Variants in ZFYVE19 observed in about 807,000 individuals in gnomAD.
ZFYVE19 encodes zinc finger FYVE-type containing 19.
ZFYVE19 carries 49 observed loss-of-function variants against 62.8 expected under a neutral mutation model. The observed-to-expected ratio is 0.78, with a 90% CI of 0.62 to 0.99. ZFYVE19 has a LOEUF of 0.99. Ranked by LOEUF, ZFYVE19 falls within the 50% of genes least tolerant of loss-of-function variation. The pLI is 0.00. For synonymous variants in ZFYVE19, 242 were observed against 234.3 expected (o/e 1.03, Z -0.30); for missense variants, 630 against 601.9 (o/e 1.05, Z -0.49).
At chr15:40,811,704 T>C (rs1379657193) in intron 6 of ZFYVE19, among the ~76,000 whole-genome samples, 1 of 152,124 alleles carries the variant, frequency 6.6e-6, no homozygotes, top group Non-Finnish European at 1.5e-5. Flanking sequence ...AGCAAGACTC[T>C]GTTTAAAAAA....
At chr15:40,810,609 GCTACC>G (rs749349117) in intron 5 of ZFYVE19, 35 bp from the exon 6 acceptor site, 387 of 1,550,910 alleles carry the variant, frequency 2.5e-4, no homozygotes, top group Non-Finnish European at 3.2e-4. Context: ...CTGCTTCTGG[GCTACC>G]CCTGCTCTCC....
intron 1 of ZFYVE19, 25 bp downstream of exon 1, chr15:40,807,893 G>A: frequency 6.5e-7 from 1 of 1,543,944 alleles, no homozygotes; most frequent in Non-Finnish European, 8.7e-7. Context: ...CCCGAGGGCT[G>A]CAGGGCCAGG....
chr15:40,810,770 C>T lies in ZFYVE19; in HGVS notation c.826+13C>T. 6.4e-7 allele frequency: 1 copy of T among 1,553,498 alleles called. No individual in the cohort carries two copies. On this transcript the variant is annotated intron_variant, in intron 6 of 10. Coordinates refer to ENST00000355341, the MANE Select transcript of ZFYVE19 (RefSeq NM_001077268.2). ...GGAGGAGGCCCAGGTAACCCCTCCA[C>T]TTGGCTCCCTAGGAATCTGCCCTAC...
chr15:40,809,550 A>G lies in ZFYVE19; in HGVS notation c.452+92A>G, dbSNP rs1350468156. 5 of 1,480,224 alleles carry G rather than the reference A, an allele frequency of 3.4e-6. No homozygotes were observed. In the East Asian group the frequency reaches 1.2e-4, roughly 35 times the overall value. 91.7% of individuals were successfully genotyped at this position (1,480,224 alleles called of 1,614,324 possible). A position where few individuals can be genotyped will look rare whatever the true frequency, so the allele number is the denominator to read the frequency against. On this transcript the variant is annotated intron_variant, in intron 3 of 10. Coordinates refer to ENST00000355341, the MANE Select transcript of ZFYVE19 (RefSeq NM_001077268.2). ...CTGCCCCCATCTTCTAGATAAAATG[A>G]GCACAGAATCAGGAGAATTCTCTCC...
At position 40,810,662 on chromosome 15, in the gene ZFYVE19, C is replaced by A; in HGVS notation, c.731C>A (p.Pro244Gln). 6.4e-7 allele frequency: 1 copy of A among 1,569,988 alleles called. No homozygotes were observed. The highest frequency in any genetic ancestry group is 8.6e-7 in the Non-Finnish European group (1 of 1,157,288). The change falls in exon 6 of 11, where the codon CCG (proline) becomes CAG (glutamine). Residue 244 changes from proline (P) to glutamine (Q), a missense_variant. By Grantham distance (76) the Pro-to-Gln change is moderately conservative. Coordinates refer to ENST00000355341, the MANE Select transcript of ZFYVE19 (RefSeq NM_001077268.2). Reference sequence around the variant, plus strand: ...TCGTCTGTGCAGGCACATCACACACCGGACACCAGGACCCAAGCCCAGCAG... The same window carrying A: ...TCGTCTGTGCAGGCACATCACACACAGGACACCAGGACCCAAGCCCAGCAG... ...SQTPQPAHHT[P>Q]DTRTQAQQTQ...
At position 40,813,308 on chromosome 15, in the gene ZFYVE19, A is replaced by T. The variant is rs192728323; in HGVS notation, c.1031-30A>T. ...TGAAATCTCTCACTCTCACTCCCCC[A>T]TCCCCTGTTCCCATGTCTCCCTCTT... On this transcript the variant is annotated intron_variant, in intron 7 of 10. Transcript: ENST00000355341. 6.9e-4 allele frequency: 1,110 copies of T among 1,607,018 alleles called. 7 individuals are homozygous for T. In the African/African-American group the frequency reaches 0.014, roughly 20 times the overall value.
intron 1 of ZFYVE19, chr15:40,808,774 G>A (rs186765761): frequency 1.0e-3 from 322 of 317,332 alleles, no homozygotes; most frequent in Non-Finnish European, 1.5e-3. Flanking sequence ...AGCAGAGGAG[G>A]CATCGGCTCT....
At chr15:40,808,067 G>A in intron 1 of ZFYVE19, 199 bp downstream of exon 1, 1 of 968,648 alleles carries the variant, frequency 1.0e-6, no homozygotes, top group Non-Finnish European at 1.5e-6. Flanking sequence ...GTCCACTGAA[G>A]TGCTTTAGGT....
At chr15:40,811,432 C>T (rs1890483310) in intron 6 of ZFYVE19, among the ~76,000 whole-genome samples, 1 of 152,204 alleles carries the variant, frequency 6.6e-6, no homozygotes, top group Admixed American at 6.5e-5. Context: ...ATATTACTGG[C>T]ACCTACAGGA....
In ZFYVE19 at chr15:40,809,976, C is replaced by G. The variant is rs1346382468; in HGVS notation, c.571+6C>G. ...CCGCCAGGAGAACAAGCCCAGTGAG[C>G]AGGGGCAGATGGGGTTGCCTAGAGG... is the stretch of plus-strand genomic sequence containing the variant. On this transcript the variant is annotated splice_donor_region_variant and intron_variant, in intron 4 of 10. Coordinates refer to ENST00000355341, the MANE Select transcript of ZFYVE19 (RefSeq NM_001077268.2). 6.2e-7 allele frequency: 1 copy of G among 1,614,048 alleles called. No homozygotes were observed. The highest frequency in any genetic ancestry group is 8.5e-7 in the Non-Finnish European group (1 of 1,179,992).
Position 40,809,428 on chromosome 15 carries a change from C to T in ZFYVE19, c.422C>T (p.Ser141Phe). The T allele has an allele frequency of 6.2e-7, 1 of 1,614,126 alleles. No individual in the cohort carries two copies. Among genetic ancestry groups the T allele is most frequent in the Non-Finnish European group, 8.5e-7 (1 of 1,180,018 alleles). ...TGTAGAGGGTCTTCTGCCAATGCCT[C>T]CAAGTGGTCACCACCTCAGAACTAT... ...VLTRGSSANA[S>F]KWSPPQNYKK... The change falls in exon 3 of 11, where the codon TCC (serine) becomes TTC (phenylalanine). Residue 141 changes from serine to phenylalanine, a missense_variant. Transcript: ENST00000355341.
chr15:40,811,708 T>TA (rs906634692), intron 6 of ZFYVE19, among the ~76,000 whole-genome samples: 73 of 150,916 alleles, frequency 4.8e-4, no homozygotes, highest in Middle Eastern at 6.8e-3. Context: ...AGACTCTGTT[T>TA]AAAAAAAAAA....
rs374210156 is a variant in ZFYVE19 at position 40,814,170 on chromosome 15, C to T, written c.1360C>T (p.Leu454Phe). ...CFREGHDAFELKEHQTSAYSP... is the reference protein window; with the variant it reads ...CFREGHDAFEFKEHQTSAYSP... ...CAGAGAGGGCCATGATGCCTTTGAG[C>T]TTAAAGAGCACCAGACATCTGCCTA... Residue 454 changes from leucine (L) to phenylalanine (F), a missense_variant, in exon 11 of 11, where the codon CTT becomes TTT. Physicochemically the swap from Leu to Phe is conservative, Grantham distance 22. Transcript: ENST00000355341. The T allele has an allele frequency of 1.2e-6, 2 of 1,614,190 alleles. No homozygotes were observed. The highest frequency in any genetic ancestry group is 1.3e-5 in the African/African-American group (1 of 75,044).
intron 9 of ZFYVE19, 39 bp downstream of exon 9, chr15:40,813,850 C>CA (rs1166160476): frequency 1.9e-6 from 3 of 1,601,884 alleles, no homozygotes; most frequent in South Asian, 1.1e-5. Context: ...AGGCTCCCCC[C>CA]AGCCTTGCTT....
intron 6 of ZFYVE19, chr15:40,811,115 G>A (rs1416578554): frequency 2.1e-5 from 6 of 288,540 alleles, no homozygotes; most frequent in Non-Finnish European, 3.4e-5. Flanking sequence ...AAGTGCTTGG[G>A]AACATACCTG....
Position 40,807,130 on chromosome 15 carries a change from C to G in ZFYVE19, c.-460C>G. 1 of 1,008,062 alleles carries G rather than the reference C, an allele frequency of 9.9e-7. No individual in the cohort carries two copies. The highest frequency in any genetic ancestry group is 1.7e-5 in the South Asian group (1 of 59,148). 62.4% of individuals were successfully genotyped at this position (1,008,062 alleles called of 1,614,324 possible). The stretch of plus-strand genomic sequence containing the variant: ...CCCCGCGGCCTCTAGGAGACAGGGG[C>G]CACGGGGAGAGCACAGCCACCCGGC... On this transcript the variant is annotated 5_prime_UTR_variant, in exon 1 of 11. Coordinates refer to ENST00000355341, the MANE Select transcript of ZFYVE19 (RefSeq NM_001077268.2).
chr15:40,809,135 G>T lies in ZFYVE19; in HGVS notation c.296G>T (p.Cys99Phe), dbSNP rs1195066794. Residue 99 changes from cysteine (C) to phenylalanine (F), a missense_variant, in exon 2 of 11, where the codon TGT becomes TTT. Cys to Phe is a radical substitution (Grantham distance 205). Transcript: ENST00000355341. ...LFKKEYGCKNCGRAFCSGCLS... is the reference protein window; with the variant it reads ...LFKKEYGCKNFGRAFCSGCLS... The stretch of plus-strand genomic sequence containing the variant: ...TTCTTGTAGTACGGCTGTAAGAATT[G>T]TGGCAGGGCCTTCTGTTCAGGCTGC... 1.2e-6 allele frequency: 2 copies of T among 1,614,022 alleles called. No individual in the cohort carries two copies. The highest frequency in any genetic ancestry group is 1.7e-6 in the Non-Finnish European group (2 of 1,179,988).
chr15:40,812,591 A>AAT (rs78854020), intron 6 of ZFYVE19, 108 bp from the exon 7 acceptor site: 1 of 352,060 alleles, frequency 2.8e-6, no homozygotes, highest in Non-Finnish European at 4.5e-6. Context: ...GAAAGAAAGA[A>AAT]AAAATTATTA....
rs1890603069 is a variant in ZFYVE19 at position 40,814,288 on chromosome 15, G to A, written c.*62G>A. The A allele has an allele frequency of 9.5e-6, 15 of 1,583,232 alleles. No individual in the cohort carries two copies. The highest frequency in any genetic ancestry group is 1.1e-5 in the South Asian group (1 of 89,456). The stretch of plus-strand genomic sequence containing the variant: ...GCAGCGGCACCCATTTCTGGGCCCA[G>A]CCACAGGACGTCCGATGGGAGAGCT... On this transcript the variant is annotated 3_prime_UTR_variant, in exon 11 of 11. Coordinates refer to ENST00000355341, the MANE Select transcript of ZFYVE19 (RefSeq NM_001077268.2).
Sources: gnomAD v4.1 joint callset for allele counts (sites outside exome capture counted in the v4.1 genomes callset) on GRCh38, gnomAD v4.1.1 for gene constraint, MANE v1.5 for transcripts, NCBI Gene and HGNC (gene_info 2026-07-23, HGNC 2026-07-21) for gene names.